The following CCDC57 variants were observed in gnomAD, a reference collection of about 807,000 sequenced individuals.
CCDC57 encodes coiled-coil domain-containing protein 57.
A neutral mutation model predicts 118.9 loss-of-function variants in CCDC57; 118 were observed. That is an observed-to-expected ratio of 0.99 (90% CI 0.86 to 1.16). CCDC57 has a LOEUF of 1.16. Among genes scored for constraint, CCDC57 ranks in the 50% most tolerant of loss-of-function variants. The pLI is 0.00. For synonymous variants in CCDC57, 527 were observed against 532.9 expected (o/e 0.99, Z 0.15); for missense variants, 1,300 against 1,320.7 (o/e 0.98, Z 0.24).
rs2042877947 is a variant in CCDC57, at chr17:82,157,995, G to A, written c.2041-47C>T. The A allele has an allele frequency of 3.3e-6, 5 of 1,527,958 alleles. No homozygotes were observed. The African/African-American group carries it at 4.1e-5, about 13-fold the overall frequency. The allele number at this position is 1,527,958 out of a possible 1,614,324, so 94.7% of individuals were successfully genotyped here. ...GTGTGAGGAATGAGGCAGTGGCTGGGCTGGAGCAGGCCCCTGGGCACTGAC... is the reference window on the plus strand; with the variant it reads ...GTGTGAGGAATGAGGCAGTGGCTGGACTGGAGCAGGCCCCTGGGCACTGAC... On this transcript the variant is annotated intron_variant, in intron 14 of 19. Coordinates refer to ENST00000665763, the Ensembl canonical transcript of CCDC57.
rs748434025 is a variant in CCDC57, at chr17:82,179,199, C to T, written c.1212-10G>A. On this transcript the variant is annotated splice_polypyrimidine_tract_variant and intron_variant, in intron 9 of 19. Transcript: ENST00000665763. Reference sequence around the variant, plus strand: ...CAGCTGTTGCTTGTACCTAAGGACACGTCCAACCGCTCAGCATTAATGCTT... The same window carrying T: ...CAGCTGTTGCTTGTACCTAAGGACATGTCCAACCGCTCAGCATTAATGCTT... 1.1e-5 allele frequency: 17 copies of T among 1,609,938 alleles called. No individual in the cohort carries two copies. The highest frequency in any genetic ancestry group is 8.9e-5 in the East Asian group (4 of 44,872).
chr17:82,183,356 T>C (rs183266311), intron 9 of CCDC57, among the ~76,000 whole-genome samples: 53 of 152,140 alleles, frequency 3.5e-4, no homozygotes, highest in Non-Finnish European at 3.4e-4. Context: ...TTGTTTTTGT[T>C]TTCCTTTTTG....
At chr17:82,109,977 G>T (rs1211727377) in intron 19 of CCDC57, among the ~76,000 whole-genome samples, 1 of 150,852 alleles carries the variant, frequency 6.6e-6, no homozygotes, top group Non-Finnish European at 1.5e-5. Flanking sequence ...AAGAGGCAAA[G>T]AAGTCTGTTT....
chr17:82,165,787 C>T (rs181197443), intron 13 of CCDC57, among the ~76,000 whole-genome samples: 1 of 152,304 alleles, frequency 6.6e-6, no homozygotes, highest in East Asian at 1.9e-4. Context: ...CAGGATTTAA[C>T]TGGCCACTTG....
intron 16 of CCDC57, among the ~76,000 whole-genome samples, chr17:82,146,213 T>C (rs536128920): frequency 1.5e-4 from 23 of 152,130 alleles, no homozygotes; most frequent in Non-Finnish European, 3.1e-4. Flanking sequence ...CTGTCCCACG[T>C]TGAATAATGA....
chr17:82,170,620 C>T (rs1429085914), intron 13 of CCDC57, among the ~76,000 whole-genome samples: 2 of 151,958 alleles, frequency 1.3e-5, no homozygotes, highest in African/African-American at 4.8e-5. Flanking sequence ...GAGAGGGTGC[C>T]GTCTGCAAGC....
At chr17:82,113,750 T>C (rs148564632) in intron 19 of CCDC57, 19 of 682,834 alleles carry the variant, frequency 2.8e-5, no homozygotes, top group African/African-American at 1.1e-4. Flanking sequence ...CTGGGTGACA[T>C]AGTGAGACCC....
chr17:82,206,238 T>G (rs2049624390), intron 2 of CCDC57, among the ~76,000 whole-genome samples: 1 of 152,254 alleles, frequency 6.6e-6, no homozygotes, highest in Non-Finnish European at 1.5e-5. Flanking sequence ...TTTTCTCATT[T>G]TAAAAATACT....
At chr17:82,186,347 G>C (rs1007551314) in intron 8 of CCDC57, among the ~76,000 whole-genome samples, 7 of 152,140 alleles carry the variant, frequency 4.6e-5, no homozygotes, top group African/African-American at 7.2e-5. Flanking sequence ...CTGCAACGGG[G>C]GGCCAAGGTT....
intron 8 of CCDC57, 99 bp from the exon 8 acceptor site, chr17:82,184,031 G>GCGCGCGCGCGCGCACACGCA: frequency 7.8e-6 from 1 of 128,352 alleles, no homozygotes; most frequent in Non-Finnish European, 1.5e-5. Flanking sequence ...GCGCGCGCGC[G>GCGCGCGCGCGCGCACACGCA]CACACACACA....
At position 82,188,203 on chromosome 17, in the gene CCDC57, C is replaced by A. The variant is rs764982245; in HGVS notation, c.1052+16G>T. The stretch of plus-strand genomic sequence containing the variant: ...CCCTGCCCTCACCCTCTGGGTGGAG[C>A]CAAGCACACGCTCACTGGTCAATGG... On this transcript the variant is annotated intron_variant, in intron 8 of 19. Transcript: ENST00000665763. The A allele has an allele frequency of 6.5e-7, 1 of 1,535,000 alleles. No individual in the cohort carries two copies. Among genetic ancestry groups the A allele is most frequent in the Non-Finnish European group, 8.8e-7 (1 of 1,140,856 alleles).
At chr17:82,194,556 C>T (rs1180033308) in intron 5 of CCDC57, among the ~76,000 whole-genome samples, 3 of 152,002 alleles carry the variant, frequency 2.0e-5, no homozygotes, top group Admixed American at 2.0e-4. Context: ...GTGATCCACC[C>T]GCCTCAGCCT....
intron 14 of CCDC57, among the ~76,000 whole-genome samples, chr17:82,159,832 C>A (rs565706806): frequency 6.6e-6 from 1 of 151,910 alleles, no homozygotes; most frequent in East Asian, 1.9e-4. Flanking sequence ...CCACCACACC[C>A]GGCTCATCTT....
chr17:82,186,457 C>A (rs933458729), intron 8 of CCDC57, among the ~76,000 whole-genome samples: 10 of 152,152 alleles, frequency 6.6e-5, no homozygotes, highest in African/African-American at 2.4e-4. Flanking sequence ...CCACAGAGGT[C>A]GCCCCGCACA....
intron 17 of CCDC57, among the ~76,000 whole-genome samples, chr17:82,130,215 A>G (rs189622149): frequency 6.6e-6 from 1 of 151,984 alleles, no homozygotes; most frequent in Non-Finnish European, 1.5e-5. Context: ...TTTTTTTGAG[A>G]CACAGTCTTG....
intron 19 of CCDC57, among the ~76,000 whole-genome samples, chr17:82,114,866 T>A (rs1418256480): frequency 6.6e-6 from 1 of 152,360 alleles, no homozygotes; most frequent in South Asian, 2.1e-4. Context: ...GGAAACACTT[T>A]ATATATAAAA....
rs542067473 is a variant in CCDC57 at position 82,126,368 on chromosome 17, T to C, written c.2899+1324A>G. ...AAAATATGAACATAAAAAAACACCA[T>C]AATAAACATTTAAAAACATGAAGAA... is the stretch of plus-strand genomic sequence containing the variant. On this transcript the variant is annotated intron_variant, in intron 19 of 19. Transcript: ENST00000665763. 2.5e-5 allele frequency: 24 copies of C among 967,950 alleles called. No individual in the cohort carries two copies. In the African/African-American group the frequency reaches 3.4e-4, roughly 14 times the overall value. 60.0% of individuals were successfully genotyped at this position (967,950 alleles called of 1,614,324 possible).
intron 19 of CCDC57, among the ~76,000 whole-genome samples, chr17:82,119,464 C>T (rs2036375738): frequency 6.6e-6 from 1 of 151,866 alleles, no homozygotes; most frequent in Admixed American, 6.6e-5. Flanking sequence ...ACGGGTACCC[C>T]ACCTGCAGAC....
intron 7 of CCDC57, among the ~76,000 whole-genome samples, chr17:82,191,517 G>A (rs1417213005): frequency 6.6e-6 from 1 of 152,056 alleles, no homozygotes; most frequent in Non-Finnish European, 1.5e-5. Context: ...AAGGGTACCT[G>A]CCTCTCCTGC....
Sources: gnomAD v4.1 joint callset for allele counts (sites outside exome capture counted in the v4.1 genomes callset) on GRCh38, gnomAD v4.1.1 for gene constraint, MANE v1.5 for transcripts, NCBI Gene and HGNC (gene_info 2026-07-23, HGNC 2026-07-21) for gene names.